Variants in ZNF569 observed in about 807,000 individuals in gnomAD.
The protein encoded by ZNF569 is zinc finger protein 569.
ZNF569 carries 38 observed loss-of-function variants against 56.3 expected under a neutral mutation model. That is an observed-to-expected ratio of 0.68 (90% confidence interval 0.52 to 0.88). The LOEUF is 0.88. ZNF569 is among the 40% of genes least tolerant of loss of function. The probability of loss-of-function intolerance (pLI) is 0.00; values close to 1 mark genes in which losing one functional copy is unlikely to be tolerated. For synonymous variants in ZNF569, 241 were observed against 262.9 expected (o/e 0.92, Z 0.81); for missense variants, 666 against 809.2 (o/e 0.82, Z 2.15).
At chr19:37,443,264 T>G (rs1028931860) in intron 3 of ZNF569, among the ~76,000 whole-genome samples, 5 of 152,116 alleles carry the variant, frequency 3.3e-5, no homozygotes, top group African/African-American at 1.2e-4. Flanking sequence ...GAGAATTGCT[T>G]GAACCTGGGA....
chr19:37,441,228 A>G (rs13343471), intron 3 of ZNF569, among the ~76,000 whole-genome samples: 31,345 of 152,126 alleles, frequency 0.21, 3,435 homozygotes, highest in South Asian at 0.32. Context: ...ACTCTAAGGC[A>G]TGAGTGTGAA....
At chr19:37,451,037 A>G (rs550582777) in intron 2 of ZNF569, among the ~76,000 whole-genome samples, 1 of 152,318 alleles carries the variant, frequency 6.6e-6, no homozygotes, top group Non-Finnish European at 1.5e-5. Flanking sequence ...GATCTAATAT[A>G]TGATGCATTA....
chr19:37,467,852 T>C, upstream of ZNF569: 1 of 1,535,498 alleles, frequency 6.5e-7, no homozygotes, highest in South Asian at 1.2e-5. Flanking sequence ...TATATTCTCG[T>C]GGCTGTTTGA....
chr19:37,420,914 G>C (rs532878593), intron 5 of ZNF569, among the ~76,000 whole-genome samples: 3 of 152,258 alleles, frequency 2.0e-5, no homozygotes, highest in African/African-American at 4.8e-5. Context: ...CAAAATTACT[G>C]CTTGATCCAT....
intron 2 of ZNF569, among the ~76,000 whole-genome samples, chr19:37,456,170 C>CT (rs1461704102): frequency 2.0e-5 from 3 of 151,690 alleles, no homozygotes; most frequent in African/African-American, 4.8e-5. Flanking sequence ...ATCATTCCAA[C>CT]TTTTTTTTTC....
chr19:37,419,580 C>T (rs766325891), intron 5 of ZNF569, among the ~76,000 whole-genome samples: 17 of 151,854 alleles, frequency 1.1e-4, no homozygotes, highest in Non-Finnish European at 1.6e-4. Context: ...AAAAATTAGC[C>T]GGGCGTGGTG....
chr19:37,417,494 C>A (rs1318742789), intron 5 of ZNF569, among the ~76,000 whole-genome samples: 1 of 151,546 alleles, frequency 6.6e-6, no homozygotes, highest in Non-Finnish European at 1.5e-5. Context: ...GATGATCCAC[C>A]CGCCTCGGCC....
At chr19:37,448,835 C>T (rs988357301) in intron 2 of ZNF569, among the ~76,000 whole-genome samples, 1 of 152,010 alleles carries the variant, frequency 6.6e-6, no homozygotes, top group African/African-American at 2.4e-5. Flanking sequence ...AGAGCCACCG[C>T]ATCCGGCCTA....
chr19:37,443,285 G>A (rs963524340), intron 3 of ZNF569, among the ~76,000 whole-genome samples: 4 of 152,168 alleles, frequency 2.6e-5, no homozygotes, highest in African/African-American at 7.2e-5. Flanking sequence ...GGCAGAGGTT[G>A]CAGTGAGCCA....
At chr19:37,420,337 A>G (rs1326390453) in intron 5 of ZNF569, among the ~76,000 whole-genome samples, 1 of 152,068 alleles carries the variant, frequency 6.6e-6, no homozygotes, top group Non-Finnish European at 1.5e-5. Context: ...CTTTTCTTTC[A>G]CAAAAAGTTT....
At chr19:37,436,945 G>A (rs886174946) in intron 3 of ZNF569, among the ~76,000 whole-genome samples, 4 of 148,892 alleles carry the variant, frequency 2.7e-5, no homozygotes, top group African/African-American at 9.9e-5. Flanking sequence ...AATAGAGGAA[G>A]AGGGAATACT....
intron 3 of ZNF569, among the ~76,000 whole-genome samples, chr19:37,438,297 G>A (rs1171042133): frequency 6.6e-6 from 1 of 152,026 alleles, no homozygotes. Flanking sequence ...GAGGCAAGAG[G>A]ATTACCTAAG....
chr19:37,423,332 G>A (rs2041069218), intron 5 of ZNF569, among the ~76,000 whole-genome samples: 1 of 152,090 alleles, frequency 6.6e-6, no homozygotes, highest in Non-Finnish European at 1.5e-5. Context: ...AATTTTCTAG[G>A]GAGTTTTAAC....
At chr19:37,468,986 C>T, upstream of ZNF569, 1 of 921,714 alleles carries the variant, frequency 1.1e-6, no homozygotes, top group Non-Finnish European at 1.3e-6. Context: ...CAAACCTTTT[C>T]CCTGCGGCCA....
chr19:37,415,961 A>AGT (rs1362449767), intron 5 of ZNF569, among the ~76,000 whole-genome samples: 1 of 151,470 alleles, frequency 6.6e-6, no homozygotes, highest in Non-Finnish European at 1.5e-5. Context: ...GCGTGAGTGC[A>AGT]GTGGCTCACG....
intron 3 of ZNF569, among the ~76,000 whole-genome samples, chr19:37,438,953 T>G (rs1266993350): frequency 6.6e-6 from 1 of 152,176 alleles, no homozygotes; most frequent in Non-Finnish European, 1.5e-5. Context: ...TCTGAAGACA[T>G]TTCTCAAAGG....
chr19:37,424,488 A>G (rs2041090623), intron 5 of ZNF569, among the ~76,000 whole-genome samples: 1 of 152,090 alleles, frequency 6.6e-6, no homozygotes, highest in South Asian at 2.1e-4. Flanking sequence ...TTTATAAAAG[A>G]GTTTGCATCA....
chr19:37,422,921 C>T (rs934549850), intron 5 of ZNF569, among the ~76,000 whole-genome samples: 1 of 152,096 alleles, frequency 6.6e-6, no homozygotes, highest in Admixed American at 6.5e-5. Flanking sequence ...ACCCACCTAT[C>T]CCACACAAAA....
chr19:37,462,933 T>C (rs2041777881), intron 2 of ZNF569, among the ~76,000 whole-genome samples: 2 of 152,192 alleles, frequency 1.3e-5, no homozygotes, highest in African/African-American at 2.4e-5. Flanking sequence ...ACTTGATATC[T>C]CCACTTGAAT....
Sources: gnomAD v4.1 joint callset for allele counts (sites outside exome capture counted in the v4.1 genomes callset) on GRCh38, gnomAD v4.1.1 for gene constraint, MANE v1.5 for transcripts, NCBI Gene and HGNC (gene_info 2026-07-23, HGNC 2026-07-21) for gene names.